Variants in WDR70 observed in about 807,000 individuals in gnomAD.
WDR70 encodes the protein WD repeat-containing protein 70.
A neutral mutation model predicts 88.6 loss-of-function variants in WDR70; 53 were observed. The ratio of observed to expected loss-of-function variants is 0.60; its 90% CI spans 0.48 to 0.75. The LOEUF (loss-of-function observed/expected upper bound fraction) is 0.75, where lower values mean the gene tolerates loss of function less well. Among genes scored for constraint, WDR70 ranks in the 30% least tolerant of loss-of-function variants. The pLI, the probability that WDR70 is intolerant of heterozygous loss-of-function variation, is 0.00. For missense variants in WDR70, 610 were observed against 823.2 expected, an observed-to-expected ratio of 0.74 and a Z score of 3.17; for synonymous variants, 280 against 270.0, an observed-to-expected ratio of 1.04 and a Z score of -0.36.
intron 17 of WDR70, among the ~76,000 whole-genome samples, chr5:37,750,162 T>C (rs1407988159): frequency 2.0e-5 from 3 of 152,168 alleles, no homozygotes; most frequent in Admixed American, 6.5e-5. Flanking sequence ...TGTTGTTATG[T>C]AGTTTTGTTG....
At chr5:37,712,728 G>C (rs1177045965) in intron 13 of WDR70, among the ~76,000 whole-genome samples, 2 of 151,864 alleles carry the variant, frequency 1.3e-5, no homozygotes, top group African/African-American at 4.8e-5. Context: ...TTGAAACATA[G>C]TCTTTCTCTG....
intron 9 of WDR70, among the ~76,000 whole-genome samples, chr5:37,549,058 T>C (rs1742072841): frequency 6.6e-6 from 1 of 152,238 alleles, no homozygotes; most frequent in African/African-American, 2.4e-5. Flanking sequence ...TGGTTATAAT[T>C]TGAAGTCAGG....
chr5:37,383,511 C>G (rs1434139890), intron 3 of WDR70, among the ~76,000 whole-genome samples: 1 of 152,106 alleles, frequency 6.6e-6, no homozygotes, highest in Non-Finnish European at 1.5e-5. Flanking sequence ...ATCCGCCCGC[C>G]TCGGCCTCCC....
At chr5:37,453,568 C>T (rs571387461) in intron 7 of WDR70, among the ~76,000 whole-genome samples, 10 of 152,210 alleles carry the variant, frequency 6.6e-5, no homozygotes, top group South Asian at 2.1e-4. Flanking sequence ...AACCTTCCAG[C>T]GTGGGCATTA....
At chr5:37,560,533 T>G (rs1028455261) in intron 9 of WDR70, among the ~76,000 whole-genome samples, 2 of 152,216 alleles carry the variant, frequency 1.3e-5, no homozygotes, top group Non-Finnish European at 2.9e-5. Context: ...ATTTAAATTA[T>G]ATACACTTTG....
At chr5:37,627,405 G>T (rs1744698377) in intron 10 of WDR70, among the ~76,000 whole-genome samples, 1 of 152,108 alleles carries the variant, frequency 6.6e-6, no homozygotes, top group Non-Finnish European at 1.5e-5. Context: ...TACCATGCCA[G>T]GCCTCAGTCT....
intron 9 of WDR70, among the ~76,000 whole-genome samples, chr5:37,579,127 G>T (rs1381072639): frequency 6.6e-6 from 1 of 152,164 alleles, no homozygotes; most frequent in Non-Finnish European, 1.5e-5. Context: ...ATTTTTGTCT[G>T]TTTTGTTTAG....
intron 7 of WDR70, among the ~76,000 whole-genome samples, chr5:37,449,330 G>A (rs535696632): frequency 8.6e-5 from 13 of 152,030 alleles, no homozygotes; most frequent in African/African-American, 2.9e-4. Flanking sequence ...AGTGGCTCAC[G>A]CCTGTAATCC....
At chr5:37,494,914 T>C (rs1426318838) in intron 8 of WDR70, among the ~76,000 whole-genome samples, 1 of 152,262 alleles carries the variant, frequency 6.6e-6, no homozygotes, top group Non-Finnish European at 1.5e-5. Flanking sequence ...TGGCAAACCA[T>C]GGCCTTGGGG....
chr5:37,392,181 T>A, intron 4 of WDR70, 61 bp downstream of exon 4: 1 of 1,525,026 alleles, frequency 6.6e-7, no homozygotes, highest in South Asian at 1.3e-5. Context: ...TATAGAGTTT[T>A]TTTTTTTTTT....
chr5:37,586,077 C>A (rs1030811803), intron 9 of WDR70, among the ~76,000 whole-genome samples: 3 of 152,222 alleles, frequency 2.0e-5, no homozygotes, highest in Non-Finnish European at 4.4e-5. Flanking sequence ...ATCTACCTTA[C>A]AACCCTTCAT....
chr5:37,687,613 G>A (rs13171010), intron 10 of WDR70, among the ~76,000 whole-genome samples: 63,431 of 152,004 alleles, frequency 0.42, 15,258 homozygotes, highest in Non-Finnish European at 0.54. Context: ...ACATAAACAC[G>A]TAGCAGATGA....
At chr5:37,418,873 C>T (rs1034877550) in intron 5 of WDR70, among the ~76,000 whole-genome samples, 1 of 152,070 alleles carries the variant, frequency 6.6e-6, no homozygotes, top group Non-Finnish European at 1.5e-5. Context: ...AAGCAATTCT[C>T]CTGCCTCAGC....
intron 10 of WDR70, among the ~76,000 whole-genome samples, chr5:37,649,838 C>T (rs1374124711): frequency 4.5e-5 from 6 of 134,358 alleles, no homozygotes; most frequent in East Asian, 2.3e-4. Context: ...CCCGGGTTCA[C>T]GCCATTCTCC....
chr5:37,382,880 T>C (rs13181048), intron 3 of WDR70, among the ~76,000 whole-genome samples: 1 of 151,772 alleles, frequency 6.6e-6, no homozygotes, highest in African/African-American at 2.4e-5. Context: ...GGGTGTGGTG[T>C]TGGGCCCCTG....
intron 8 of WDR70, among the ~76,000 whole-genome samples, chr5:37,484,027 T>C (rs1176235823): frequency 1.5e-5 from 2 of 129,220 alleles, no homozygotes; most frequent in African/African-American, 3.0e-5. Flanking sequence ...CCTCACTTCC[T>C]AGACGGGATG....
At chr5:37,411,213 T>C (rs971697971) in intron 5 of WDR70, among the ~76,000 whole-genome samples, 2 of 152,226 alleles carry the variant, frequency 1.3e-5, no homozygotes, top group African/African-American at 4.8e-5. Context: ...TTTCCTGTCT[T>C]GGCCTCCCAA....
chr5:37,723,113 C>G, intron 15 of WDR70, 179 bp downstream of exon 15: 2 of 652,806 alleles, frequency 3.1e-6, no homozygotes, highest in Non-Finnish European at 5.3e-6. Flanking sequence ...TTCTGTGACT[C>G]ATCACAGGGA....
intron 4 of WDR70, among the ~76,000 whole-genome samples, chr5:37,396,056 C>G (rs1342240238): frequency 6.6e-6 from 1 of 152,196 alleles, no homozygotes; most frequent in Admixed American, 6.6e-5. Context: ...GCCTTGGTCC[C>G]TGAAAGTGCT....
Sources: allele counts gnomAD v4.1 joint callset (sites outside exome capture counted in the v4.1 genomes callset), GRCh38; gene constraint gnomAD v4.1.1; transcripts MANE v1.5; gene names NCBI Gene and HGNC (gene_info 2026-07-23, HGNC 2026-07-21).